Variants in EXT1 observed in about 807,000 individuals in gnomAD.
EXT1 encodes the protein exostosin glycosyltransferase 1, also known as exostosin-1.
Under a neutral mutation model 82.5 loss-of-function variants are expected in EXT1, and 20 were observed. The observed-to-expected ratio is 0.24, with a 90% CI of 0.17 to 0.35. The LOEUF (loss-of-function observed/expected upper bound fraction) is 0.35. Among genes scored for constraint, EXT1 ranks in the 10% least tolerant of loss-of-function variants. EXT1 has a pLI of 1.00. For synonymous variants in EXT1, 348 were observed against 350.8 expected, an observed-to-expected ratio of 0.99 and a Z score of 0.09; for missense variants, 757 against 936.5, an observed-to-expected ratio of 0.81 and a Z score of 2.50.
At chr8:118,035,334 C>A (rs1586355538) in intron 1 of EXT1, among the ~76,000 whole-genome samples, 1 of 152,078 alleles carries the variant, frequency 6.6e-6, no homozygotes, top group East Asian at 1.9e-4. Flanking sequence ...CTGAAGCCAC[C>A]GGAAGCCACT....
chr8:117,819,274 A>G (rs1243937158), intron 6 of EXT1, among the ~76,000 whole-genome samples: 1 of 152,224 alleles, frequency 6.6e-6, no homozygotes, highest in African/African-American at 2.4e-5. Context: ...TTGACACTTC[A>G]TGACACCAAC....
intron 1 of EXT1, among the ~76,000 whole-genome samples, chr8:118,096,635 GA>G (rs1470265414): frequency 2.8e-4 from 6 of 21,134 alleles, no homozygotes; most frequent in Non-Finnish European, 6.2e-4. Flanking sequence ...AGGAAGGAAG[GA>G]AGGAAGGAAG....
intron 1 of EXT1, among the ~76,000 whole-genome samples, chr8:117,992,804 C>T (rs1042201252): frequency 6.6e-6 from 1 of 152,216 alleles, no homozygotes; most frequent in Non-Finnish European, 1.5e-5. Flanking sequence ...CCTTCCGTGG[C>T]ATGGGAACAG....
intron 1 of EXT1, among the ~76,000 whole-genome samples, chr8:117,877,292 G>A (rs368760994): frequency 6.6e-6 from 1 of 152,146 alleles, no homozygotes; most frequent in Admixed American, 6.5e-5. Flanking sequence ...CATAGTTGGA[G>A]CCGCCACCCC....
chr8:118,020,962 T>C (rs896417413), intron 1 of EXT1, among the ~76,000 whole-genome samples: 2 of 152,232 alleles, frequency 1.3e-5, no homozygotes, highest in African/African-American at 4.8e-5. Flanking sequence ...CATTCTTTAA[T>C]GTAGCTTAGC....
intron 1 of EXT1, among the ~76,000 whole-genome samples, chr8:118,033,743 GT>G (rs1308050378): frequency 4.6e-5 from 7 of 152,140 alleles, no homozygotes; most frequent in African/African-American, 1.7e-4. Context: ...GCCTCTGAAA[GT>G]GCTGGGATTA....
chr8:117,927,103 T>A (rs1813967082), intron 1 of EXT1, among the ~76,000 whole-genome samples: 1 of 152,196 alleles, frequency 6.6e-6, no homozygotes, highest in Admixed American at 6.5e-5. Flanking sequence ...TTATTTAAAA[T>A]ATCACACAGG....
intron 1 of EXT1, among the ~76,000 whole-genome samples, chr8:117,961,625 A>C (rs1814701164): frequency 6.6e-6 from 1 of 152,336 alleles, no homozygotes; most frequent in South Asian, 2.1e-4. Context: ...ACATACGTGC[A>C]CTTATTTCAA....
chr8:117,909,389 T>C (rs1813603669), intron 1 of EXT1, among the ~76,000 whole-genome samples: 2 of 152,220 alleles, frequency 1.3e-5, no homozygotes, highest in Admixed American at 1.3e-4. Flanking sequence ...AAATAGTATG[T>C]AATAAAAGGA....
At chr8:118,070,217 CATAAA>C (rs1472570979) in intron 1 of EXT1, among the ~76,000 whole-genome samples, 26 of 139,992 alleles carry the variant, frequency 1.9e-4, no homozygotes, top group Middle Eastern at 3.7e-3. Context: ...TAAAGGACAT[CATAAA>C]TTTCTGTGTG....
intron 1 of EXT1, among the ~76,000 whole-genome samples, chr8:117,882,284 T>C (rs550461583): frequency 7.2e-5 from 11 of 152,254 alleles, no homozygotes; most frequent in Non-Finnish European, 1.5e-4. Context: ...GGTTTTACCA[T>C]GTTGGCCAGG....
intron 1 of EXT1, among the ~76,000 whole-genome samples, chr8:117,848,210 T>C (rs1812396725): frequency 6.6e-6 from 1 of 152,204 alleles, no homozygotes; most frequent in Non-Finnish European, 1.5e-5. Flanking sequence ...GGTGTATCCA[T>C]GGGACATAAC....
At chr8:117,981,516 A>C (rs541638619) in intron 1 of EXT1, among the ~76,000 whole-genome samples, 158 of 152,364 alleles carry the variant, frequency 1.0e-3, no homozygotes, top group African/African-American at 3.7e-3. Flanking sequence ...GGCAAGCAGC[A>C]TGGAGCTTGA....
At chr8:117,904,462 A>C (rs1256718953) in intron 1 of EXT1, among the ~76,000 whole-genome samples, 1 of 152,242 alleles carries the variant, frequency 6.6e-6, no homozygotes, top group Non-Finnish European at 1.5e-5. Context: ...AGGCATAAAC[A>C]TACCTATTGC....
intron 1 of EXT1, among the ~76,000 whole-genome samples, chr8:118,005,363 G>C (rs1026301429): frequency 2.0e-5 from 3 of 152,136 alleles, no homozygotes; most frequent in Non-Finnish European, 2.9e-5. Flanking sequence ...TACAAAGCTC[G>C]ATTTGCTACA....
rs1404083209 is a variant in EXT1, at chr8:117,795,026, G to A, written c.*4686C>T. On this transcript the variant is annotated 3_prime_UTR_variant, in exon 11 of 11. Transcript: ENST00000378204. ...ACCGAAAGGACAGGGATGTATTCCT[G>A]TAGGAGAAGAACAGAAAACTATTGC... 6.6e-6 allele frequency: 1 copy of A among 152,178 alleles called. No individual in the cohort carries two copies. Among genetic ancestry groups the A allele is most frequent in the Non-Finnish European group, 1.5e-5 (1 of 68,034 alleles). 9.4% of individuals were successfully genotyped at this position (152,178 alleles called of 1,614,324 possible). A position where few individuals can be genotyped will look rare whatever the true frequency, so the allele number is the denominator to read the frequency against.
At chr8:118,008,879 T>C (rs1730307909) in intron 1 of EXT1, among the ~76,000 whole-genome samples, 1 of 152,166 alleles carries the variant, frequency 6.6e-6, no homozygotes, top group Non-Finnish European at 1.5e-5. Flanking sequence ...GAAAAATATG[T>C]AAAATTCTTA....
intron 1 of EXT1, among the ~76,000 whole-genome samples, chr8:118,044,831 G>A (rs1027101005): frequency 1.3e-5 from 2 of 152,194 alleles, no homozygotes; most frequent in African/African-American, 4.8e-5. Flanking sequence ...CCCACCGCAT[G>A]CTTTTGTAAA....
chr8:117,947,696 A>G (rs1814415844), intron 1 of EXT1, among the ~76,000 whole-genome samples: 1 of 152,252 alleles, frequency 6.6e-6, no homozygotes, highest in South Asian at 2.1e-4. Context: ...CATTGCCTCA[A>G]GAACAAATGA....
Sources: allele counts gnomAD v4.1 joint callset (sites outside exome capture counted in the v4.1 genomes callset), GRCh38; gene constraint gnomAD v4.1.1; transcripts MANE v1.5; gene names NCBI Gene and HGNC (gene_info 2026-07-23, HGNC 2026-07-21).